The following MTUS2 variants were observed in gnomAD, a reference collection of about 807,000 sequenced individuals.
The protein encoded by MTUS2 is microtubule associated scaffold protein 2.
Under a neutral mutation model 114.1 loss-of-function variants are expected in MTUS2, and 40 were observed. The observed-to-expected ratio is 0.35, with a 90% confidence interval of 0.27 to 0.46. The LOEUF is 0.46. MTUS2 is among the 20% of genes least tolerant of loss of function. The probability of loss-of-function intolerance (pLI) is 1.00; values close to 1 mark genes in which losing one functional copy is unlikely to be tolerated. For synonymous variants in MTUS2, 688 were observed against 672.0 expected, an observed-to-expected ratio of 1.02 and a Z score of -0.37; for missense variants, 1,679 against 1,705.4, an observed-to-expected ratio of 0.98 and a Z score of 0.27.
At chr13:29,327,502 T>C (rs1900575064) in intron 7 of MTUS2, among the ~76,000 whole-genome samples, 1 of 152,242 alleles carries the variant, frequency 6.6e-6, no homozygotes, top group Admixed American at 6.5e-5. Flanking sequence ...TCATTTAATA[T>C]GTATGCTAGT....
chr13:29,258,794 C>T (rs893514199), intron 5 of MTUS2, among the ~76,000 whole-genome samples: 1 of 152,166 alleles, frequency 6.6e-6, no homozygotes, highest in African/African-American at 2.4e-5. Context: ...CCACTCTTTC[C>T]TTTCTGTGTA....
intron 5 of MTUS2, among the ~76,000 whole-genome samples, chr13:29,279,981 GATT>G (rs1218371878): frequency 5.9e-5 from 9 of 152,230 alleles, no homozygotes; most frequent in Admixed American, 1.3e-4. Flanking sequence ...TCAGTGAACA[GATT>G]ATTCTGGCAG....
chr13:29,167,247 C>T (rs771077307), intron 5 of MTUS2, among the ~76,000 whole-genome samples: 11 of 151,810 alleles, frequency 7.2e-5, no homozygotes, highest in African/African-American at 9.7e-5. Flanking sequence ...TGGTTGCGGG[C>T]GCCTGTAGTC....
chr13:29,149,068 G>A (rs968165522), intron 5 of MTUS2, among the ~76,000 whole-genome samples: 4 of 151,984 alleles, frequency 2.6e-5, no homozygotes, highest in Non-Finnish European at 4.4e-5. Context: ...CTGCTGGATC[G>A]GGTGGTAATT....
At chr13:29,125,374 T>C (rs1891471101) in intron 5 of MTUS2, among the ~76,000 whole-genome samples, 1 of 152,184 alleles carries the variant, frequency 6.6e-6, no homozygotes, top group Non-Finnish European at 1.5e-5. Flanking sequence ...GCTTGAGTCG[T>C]TTGCAATTCA....
At chr13:29,318,255 A>C (rs149602312) in intron 6 of MTUS2, among the ~76,000 whole-genome samples, 12 of 148,016 alleles carry the variant, frequency 8.1e-5, no homozygotes, top group Non-Finnish European at 1.8e-4. Flanking sequence ...AAAATGTTTT[A>C]GGTTTTTTTT....
chr13:29,157,827 T>C (rs1399870759), intron 5 of MTUS2, among the ~76,000 whole-genome samples: 7 of 149,382 alleles, frequency 4.7e-5, no homozygotes, highest in Admixed American at 4.6e-4. Context: ...GATGTAGATA[T>C]AGATATAGAT....
At chr13:29,220,105 C>T (rs1006373108) in intron 5 of MTUS2, among the ~76,000 whole-genome samples, 45 of 152,064 alleles carry the variant, frequency 3.0e-4, no homozygotes, top group African/African-American at 1.0e-3. Flanking sequence ...AAGCCATTCT[C>T]CTGCCTTAGC....
chr13:29,145,658 G>A (rs1483237949), intron 5 of MTUS2, among the ~76,000 whole-genome samples: 1 of 152,148 alleles, frequency 6.6e-6, no homozygotes, highest in Non-Finnish European at 1.5e-5. Context: ...TGGACTTAGA[G>A]TGTTACCCCA....
At chr13:28,857,077 T>G (rs1876679860) in intron 2 of MTUS2, among the ~76,000 whole-genome samples, 1 of 152,194 alleles carries the variant, frequency 6.6e-6, no homozygotes, top group African/African-American at 2.4e-5. Flanking sequence ...ATTTGCCTGG[T>G]TTACCTGGCA....
chr13:29,401,106 T>C (rs538038626), intron 8 of MTUS2, among the ~76,000 whole-genome samples: 37 of 152,204 alleles, frequency 2.4e-4, no homozygotes, highest in African/African-American at 8.4e-4. Flanking sequence ...TCCTGCCTCA[T>C]CCTCCTGAAT....
chr13:28,867,743 T>C (rs576916107), intron 2 of MTUS2, among the ~76,000 whole-genome samples: 2 of 152,356 alleles, frequency 1.3e-5, no homozygotes, highest in African/African-American at 4.8e-5. Flanking sequence ...TCAGCCATCA[T>C]GAGGATGTTG....
intron 2 of MTUS2, among the ~76,000 whole-genome samples, chr13:28,884,724 G>T (rs1441085851): frequency 3.9e-5 from 6 of 152,184 alleles, no homozygotes; most frequent in Non-Finnish European, 7.3e-5. Context: ...GTTAAGCAGG[G>T]TGTTCTCACT....
At chr13:28,973,006 CA>C (rs962132968) in intron 2 of MTUS2, among the ~76,000 whole-genome samples, 11 of 151,930 alleles carry the variant, frequency 7.2e-5, no homozygotes, top group African/African-American at 2.7e-4. Context: ...ATGTATATAT[CA>C]AAAAATATAT....
At chr13:29,081,827 G>T (rs1889457267) in intron 4 of MTUS2, among the ~76,000 whole-genome samples, 1 of 152,000 alleles carries the variant, frequency 6.6e-6, no homozygotes, top group Admixed American at 6.6e-5. Flanking sequence ...TGGCAACCTT[G>T]AACGAGAAAT....
rs1890021267 is a variant in MTUS2 at position 29,092,798 on chromosome 13, A to G, written c.2447-7975A>G. Among the ~76,000 whole-genome samples the G allele has an allele frequency of 1.3e-5, 2 of 152,172 alleles. 1 individual carries two copies. Among genetic ancestry groups the G allele is most frequent in the South Asian group, 4.1e-4 (2 of 4,832 alleles). ...AAATCATGTATCAATTATTCCACAC[A>G]CAAAGCAAGAGGGTTTGAAAAGTTT... On this transcript the variant is annotated intron_variant, in intron 4 of 15. Transcript: ENST00000612955.
At chr13:29,364,293 G>C (rs1870519669) in intron 8 of MTUS2, among the ~76,000 whole-genome samples, 1 of 152,166 alleles carries the variant, frequency 6.6e-6, no homozygotes, top group Admixed American at 6.5e-5. Flanking sequence ...AGCAGAATGT[G>C]GGGTGAGCAA....
At chr13:29,455,988 A>G (rs60944364) in intron 9 of MTUS2, among the ~76,000 whole-genome samples, 12,795 of 152,154 alleles carry the variant, frequency 0.084, 1,791 homozygotes, top group African/African-American at 0.29. Flanking sequence ...CTCAAAATAA[A>G]AATAAAAATA....
At chr13:29,016,574 A>G (rs1006253958) in intron 2 of MTUS2, among the ~76,000 whole-genome samples, 3 of 152,066 alleles carry the variant, frequency 2.0e-5, no homozygotes, top group African/African-American at 7.2e-5. Flanking sequence ...ATTTATGTAT[A>G]TATTCTTCTT....
Sources: allele counts gnomAD v4.1 joint callset (sites outside exome capture counted in the v4.1 genomes callset), GRCh38; gene constraint gnomAD v4.1.1; transcripts MANE v1.5; gene names NCBI Gene and HGNC (gene_info 2026-07-23, HGNC 2026-07-21).